TPX2: variants seen among roughly 807,000 people sequenced by gnomAD.
The protein encoded by TPX2 is TPX2 microtubule nucleation factor, also known as targeting protein for Xklp2.
A neutral mutation model predicts 93.6 loss-of-function variants in TPX2; 21 were observed. The ratio of observed to expected loss-of-function variants is 0.22; its 90% CI spans 0.16 to 0.32. The LOEUF (loss-of-function observed/expected upper bound fraction) is 0.32. Ranked by LOEUF, TPX2 falls within the 10% of genes least tolerant of loss-of-function variation. The pLI is 1.00. For missense variants in TPX2, 776 were observed against 871.1 expected, an observed-to-expected ratio of 0.89 and a Z score of 1.37; for synonymous variants, 281 against 298.3, an observed-to-expected ratio of 0.94 and a Z score of 0.60.
intron 4 of TPX2, among the ~76,000 whole-genome samples, chr20:31,764,304 G>A (rs2061911039): frequency 6.6e-6 from 1 of 151,834 alleles, no homozygotes; most frequent in Admixed American, 6.6e-5. Flanking sequence ...TGAGTAGCTG[G>A]GACCACAGAT....
chr20:31,768,366 G>A (rs1253758761), intron 5 of TPX2, among the ~76,000 whole-genome samples: 1 of 151,334 alleles, frequency 6.6e-6, no homozygotes, highest in Non-Finnish European at 1.5e-5. Context: ...CTCCTGAGTA[G>A]CTGGGACTAC....
intron 2 of TPX2, among the ~76,000 whole-genome samples, chr20:31,750,866 G>A (rs1275434407): frequency 6.6e-6 from 1 of 152,160 alleles, no homozygotes; most frequent in East Asian, 1.9e-4. Context: ...TGCAAACATA[G>A]ATCTAGGGAA....
chr20:31,756,761 T>C (rs1395588553), intron 2 of TPX2, among the ~76,000 whole-genome samples: 1 of 151,978 alleles, frequency 6.6e-6, no homozygotes, highest in African/African-American at 2.4e-5. Context: ...GTAGCTAGAA[T>C]TACAGGCGCC....
intron 3 of TPX2, among the ~76,000 whole-genome samples, chr20:31,758,387 TG>T (rs2061865267): frequency 6.6e-6 from 1 of 152,210 alleles, no homozygotes. Context: ...CCCAAAGTGC[TG>T]GGATTACAGG....
chr20:31,781,980 G>A (rs2062036399), intron 10 of TPX2, among the ~76,000 whole-genome samples: 1 of 152,116 alleles, frequency 6.6e-6, no homozygotes, highest in African/African-American at 2.4e-5. Flanking sequence ...CAGTGATAAG[G>A]AACCTGTCAG....
intron 4 of TPX2, 56 bp downstream of exon 4, chr20:31,760,235 GA>G: frequency 1.3e-6 from 2 of 1,599,544 alleles, no homozygotes; most frequent in Non-Finnish European, 1.7e-6. Flanking sequence ...CAGTGTTTTA[GA>G]AGCCTGAGGT....
At chr20:31,799,578 T>A (rs1352138883) in intron 17 of TPX2, among the ~76,000 whole-genome samples, 5 of 152,024 alleles carry the variant, frequency 3.3e-5, no homozygotes. Flanking sequence ...CGGTACACAA[T>A]AAAAATATAC....
At chr20:31,771,289 T>C (rs1600375521) in intron 6 of TPX2, among the ~76,000 whole-genome samples, 2 of 152,160 alleles carry the variant, frequency 1.3e-5, no homozygotes, top group African/African-American at 2.4e-5. Flanking sequence ...ATTTGATCAT[T>C]TGATGGTGAG....
chr20:31,788,174 T>C (rs2062078628), intron 12 of TPX2, among the ~76,000 whole-genome samples: 1 of 152,150 alleles, frequency 6.6e-6, no homozygotes, highest in East Asian at 1.9e-4. Context: ...CCCAACACTT[T>C]GGGAAGCCAA....
chr20:31,755,593 G>A (rs541099891), intron 2 of TPX2, among the ~76,000 whole-genome samples: 8 of 151,792 alleles, frequency 5.3e-5, no homozygotes, highest in South Asian at 4.2e-4. Context: ...GTGAAATCCC[G>A]TCTCTACTGA....
chr20:31,771,570 A>G lies in TPX2; in HGVS notation c.496A>G (p.Lys166Glu), dbSNP rs752398176. Residue 166 changes from lysine to glutamate, a missense_variant, in exon 7 of 18, where the codon AAA becomes GAA. Transcript: ENST00000300403. ...PSKKMKVSNN[K>E]KKPEEEGSAH... ...CCTTTTGAACTCAAGTTCTAACAAC[A>G]AAAAGAAGCCAGAGGAAGAAGGCAG... 5 of 1,610,280 alleles carry G rather than the reference A, an allele frequency of 3.1e-6. No homozygotes were observed. The South Asian group carries it at 5.6e-5, about 18-fold the overall frequency.
chr20:31,756,869 C>T (rs1275173105), intron 2 of TPX2, among the ~76,000 whole-genome samples: 8 of 152,114 alleles, frequency 5.3e-5, no homozygotes, highest in Non-Finnish European at 1.0e-4. Flanking sequence ...TCAGGTGATC[C>T]ACCCGCCTCA....
At chr20:31,759,283 C>G (rs1298331158) in intron 3 of TPX2, among the ~76,000 whole-genome samples, 5 of 152,128 alleles carry the variant, frequency 3.3e-5, no homozygotes, top group African/African-American at 9.6e-5. Flanking sequence ...TAGCTCTGCT[C>G]TACCCTCACA....
chr20:31,792,655 G>C, intron 12 of TPX2, 80 bp from the exon 13 acceptor site: 1 of 1,358,816 alleles, frequency 7.4e-7, no homozygotes, highest in Non-Finnish European at 1.1e-6. Context: ...TACCCAAAGG[G>C]GAAAAAAGGA....
At chr20:31,793,681 T>C (rs1290671845) in intron 13 of TPX2, among the ~76,000 whole-genome samples, 167 bp from the exon 14 acceptor site, 2 of 152,240 alleles carry the variant, frequency 1.3e-5, no homozygotes, top group Non-Finnish European at 1.5e-5. Context: ...TGGTGGTAGA[T>C]GACTTACCTA....
chr20:31,757,272 T>C, intron 2 of TPX2, 135 bp from the exon 3 acceptor site: 1 of 544,272 alleles, frequency 1.8e-6, no homozygotes, highest in South Asian at 2.3e-5. Context: ...GAAAAACTAA[T>C]GTTTAGGTTG....
chr20:31,785,864 T>G (rs1332005848), intron 12 of TPX2, among the ~76,000 whole-genome samples: 1 of 152,186 alleles, frequency 6.6e-6, no homozygotes, highest in East Asian at 1.9e-4. Context: ...TTGTTTTTAT[T>G]TATGTACCAC....
intron 2 of TPX2, among the ~76,000 whole-genome samples, chr20:31,754,695 A>G (rs542894346): frequency 2.9e-4 from 44 of 152,284 alleles, no homozygotes; most frequent in African/African-American, 9.6e-4. Flanking sequence ...ATGGATGTGT[A>G]CAGAAATTTA....
chr20:31,755,570 C>A (rs2061846675), intron 2 of TPX2, among the ~76,000 whole-genome samples: 1 of 151,640 alleles, frequency 6.6e-6, no homozygotes. Context: ...TTGAGACCAG[C>A]CTGGCCAACA....
Sources: gnomAD v4.1 joint callset for allele counts (sites outside exome capture counted in the v4.1 genomes callset) on GRCh38, gnomAD v4.1.1 for gene constraint, MANE v1.5 for transcripts, NCBI Gene and HGNC (gene_info 2026-07-23, HGNC 2026-07-21) for gene names.